Variants in ARMC9 observed in about 807,000 individuals in gnomAD.
ARMC9 encodes the protein lisH domain-containing protein ARMC9.
In ARMC9, 94 loss-of-function variants were observed where a neutral mutation model predicts 107.0. That is an observed-to-expected ratio of 0.88 (90% CI 0.74 to 1.04). The LOEUF (loss-of-function observed/expected upper bound fraction) is 1.04. Among genes scored for constraint, ARMC9 ranks in the 50% least tolerant of loss-of-function variants. The pLI, the probability that ARMC9 is intolerant of heterozygous loss-of-function variation, is 0.00. For missense variants in ARMC9, 942 were observed against 1,030.1 expected (o/e 0.91, Z 1.17); for synonymous variants, 380 against 396.9 (o/e 0.96, Z 0.51).
At chr2:231,233,661 A>C (rs979142048) in intron 7 of ARMC9, among the ~76,000 whole-genome samples, 38 of 152,164 alleles carry the variant, frequency 2.5e-4, no homozygotes, top group Non-Finnish European at 4.6e-4. Context: ...CTGTAATCCC[A>C]GCTACTCGGG....
chr2:231,259,308 G>A (rs1011620188), intron 11 of ARMC9, among the ~76,000 whole-genome samples: 1 of 152,190 alleles, frequency 6.6e-6, no homozygotes, highest in Non-Finnish European at 1.5e-5. Context: ...CAATTGTGAT[G>A]TAATGAGTTA....
At position 231,226,674 on chromosome 2, in the gene ARMC9, C is replaced by T. The variant is rs956756061; in HGVS notation, c.598-100C>T. On this transcript the variant is annotated intron_variant, in intron 6 of 24. Transcript: ENST00000611582. ...CCTCCCGGCTCCGAGAATTCTGTTT[C>T]ATCATGCTGAGGTGCTTTCTCACAT... The T allele has an allele frequency of 1.8e-5, 25 of 1,385,902 alleles. No individual in the cohort carries two copies. The Admixed American group carries it at 4.1e-4, about 23-fold the overall frequency. The allele number at this position is 1,385,902 out of a possible 1,614,324, so 85.9% of individuals were successfully genotyped here.
chr2:231,315,393 G>T (rs1200284966), intron 19 of ARMC9, among the ~76,000 whole-genome samples: 1 of 152,012 alleles, frequency 6.6e-6, no homozygotes, highest in East Asian at 1.9e-4. Flanking sequence ...AAAAAAATTA[G>T]CCAGGCGTGG....
intron 9 of ARMC9, among the ~76,000 whole-genome samples, chr2:231,240,341 T>G (rs1053535329): frequency 1.3e-5 from 2 of 152,234 alleles, no homozygotes; most frequent in Non-Finnish European, 2.9e-5. Context: ...TCTCCTTTTT[T>G]AAAAGCACTG....
chr2:231,237,175 C>CGTGTGTGTGT (rs58607252), intron 8 of ARMC9, among the ~76,000 whole-genome samples: 20,457 of 148,638 alleles, frequency 0.14, 1,415 homozygotes, highest in Non-Finnish European at 0.14. Flanking sequence ...TCTGCGTATG[C>CGTGTGTGTGT]GTGTGTGTGT....
At chr2:231,370,884 A>T (rs2045991326) in intron 24 of ARMC9, among the ~76,000 whole-genome samples, 1 of 152,188 alleles carries the variant, frequency 6.6e-6, no homozygotes, top group Admixed American at 6.5e-5. Flanking sequence ...CCCGCTTAGG[A>T]TATGCGCATT....
intron 8 of ARMC9, among the ~76,000 whole-genome samples, chr2:231,237,753 G>GTATATATATATATA (rs1226959333): frequency 4.9e-4 from 12 of 24,444 alleles, no homozygotes; most frequent in African/African-American, 8.1e-4. Flanking sequence ...TTGGCTATAT[G>GTATATATATATATA]TATATATATA....
At chr2:231,352,524 A>G (rs1021453857) in intron 21 of ARMC9, among the ~76,000 whole-genome samples, 1 of 150,974 alleles carries the variant, frequency 6.6e-6, no homozygotes, top group East Asian at 2.0e-4. Flanking sequence ...GGTTTTCACC[A>G]TGTTGGCCAG....
At chr2:231,314,586 G>T (rs554564636) in intron 19 of ARMC9, among the ~76,000 whole-genome samples, 17 of 152,320 alleles carry the variant, frequency 1.1e-4, no homozygotes, top group African/African-American at 4.1e-4. Flanking sequence ...GTTATTGGGT[G>T]TTTAGCGGCA....
chr2:231,289,331 G>A (rs1374873629), intron 17 of ARMC9, among the ~76,000 whole-genome samples: 2 of 152,074 alleles, frequency 1.3e-5, no homozygotes, highest in East Asian at 3.9e-4. Flanking sequence ...GTCAGGCATG[G>A]TGGCACATGC....
chr2:231,300,300 T>G (rs984085490), intron 19 of ARMC9, among the ~76,000 whole-genome samples: 2 of 152,262 alleles, frequency 1.3e-5, no homozygotes, highest in Non-Finnish European at 2.9e-5. Flanking sequence ...TACAAAGTGC[T>G]CAGATCTAAG....
chr2:231,241,139 A>G (rs545226936), intron 9 of ARMC9, among the ~76,000 whole-genome samples: 148 of 151,072 alleles, frequency 9.8e-4, no homozygotes, highest in Non-Finnish European at 1.8e-3. Context: ...CAGAGGTTGC[A>G]GTGAGCTGAG....
intron 9 of ARMC9, among the ~76,000 whole-genome samples, chr2:231,240,927 G>A (rs1035091555): frequency 2.6e-5 from 4 of 152,152 alleles, no homozygotes; most frequent in African/African-American, 9.7e-5. Flanking sequence ...GCTGGGTGCG[G>A]TGGCTCACAC....
chr2:231,214,822 T>G lies in ARMC9; in HGVS notation c.178-9T>G. The G allele has an allele frequency of 1.2e-6, 2 of 1,613,280 alleles. No homozygotes were observed. On this transcript the variant is annotated splice_polypyrimidine_tract_variant and intron_variant, in intron 3 of 24. Coordinates refer to ENST00000611582, the MANE Select transcript of ARMC9 (RefSeq NM_001352754.2). ...CAACGAGGTATGTAGTCTGATGTCT[T>G]CTCCACAGAAGGATCTTGTCGCTGC...
chr2:231,265,504 A>G (rs1408254461), intron 12 of ARMC9, among the ~76,000 whole-genome samples: 1 of 152,206 alleles, frequency 6.6e-6, no homozygotes, highest in Non-Finnish European at 1.5e-5. Flanking sequence ...ATGGAAAATC[A>G]AATATCATAT....
At chr2:231,276,112 G>A (rs991202558) in intron 14 of ARMC9, among the ~76,000 whole-genome samples, 8 of 152,152 alleles carry the variant, frequency 5.3e-5, no homozygotes, top group African/African-American at 1.7e-4. Flanking sequence ...AAAGTAGGAG[G>A]CCTCCTTACC....
Position 231,360,696 on chromosome 2 carries a change from G to A in ARMC9, c.2132-58G>A, listed in dbSNP as rs547355059. 2.0e-6 allele frequency: 3 copies of A among 1,535,918 alleles called. No homozygotes were observed. Among genetic ancestry groups the A allele is most frequent in the East Asian group, 4.9e-5 (2 of 40,912 alleles). ...GCTTTCCAACCCAGCCCACGAGAGG[G>A]CATCCTTAGAGGGGCTCCAGAGCAG... On this transcript the variant is annotated intron_variant, in intron 22 of 24. Transcript: ENST00000611582. The surrounding 1 kb of genome is among the most constrained non-coding windows in gnomAD (Gnocchi z 4.7).
intron 7 of ARMC9, among the ~76,000 whole-genome samples, chr2:231,230,616 CA>C (rs1469907302): frequency 6.6e-6 from 1 of 152,136 alleles, no homozygotes; most frequent in African/African-American, 2.4e-5. Context: ...TCAGTATCTA[CA>C]AGGATTGCTT....
intron 17 of ARMC9, among the ~76,000 whole-genome samples, chr2:231,283,008 TTCAG>T (rs1264542678): frequency 8.5e-5 from 13 of 152,098 alleles, no homozygotes; most frequent in Admixed American, 7.2e-4. Context: ...GGAGGTAACA[TTCAG>T]TCAAAGTGTG....
Sources: allele counts gnomAD v4.1 joint callset (sites outside exome capture counted in the v4.1 genomes callset), GRCh38; gene constraint gnomAD v4.1.1; non-coding constraint Gnocchi (gnomAD v3.1); transcripts MANE v1.5; gene names NCBI Gene and HGNC (gene_info 2026-07-23, HGNC 2026-07-21).